Variants in ARHGEF17 observed in about 807,000 individuals in gnomAD.
ARHGEF17 encodes Rho guanine nucleotide exchange factor 17.
In ARHGEF17, 80 loss-of-function variants were observed where a neutral mutation model predicts 174.0. That is an observed-to-expected ratio of 0.46 (90% CI 0.38 to 0.55). ARHGEF17 has a LOEUF of 0.55. Among genes scored for constraint, ARHGEF17 ranks in the 20% least tolerant of loss-of-function variants. The probability of loss-of-function intolerance (pLI) is 0.00; values close to 1 mark genes in which losing one functional copy is unlikely to be tolerated. For missense variants in ARHGEF17, 2,886 were observed against 2,839.7 expected (o/e 1.02, Z -0.37); for synonymous variants, 1,311 against 1,189.1 (o/e 1.10, Z -2.11).
At position 73,310,571 on chromosome 11, in the gene ARHGEF17, G is replaced by C; in HGVS notation, c.1933G>C (p.Asp645His). Reference sequence around the variant, plus strand: ...CTCAGGCCCTGAGTCCAGTCTGACAGATGAAGGCATTGGGGCAGACCCTGA... The same window carrying C: ...CTCAGGCCCTGAGTCCAGTCTGACACATGAAGGCATTGGGGCAGACCCTGA... ...ELSGPESSLT[D>H]EGIGADPEPP... The change falls in exon 1 of 21, where the codon GAT becomes CAT. Residue 645 changes from aspartate (D) to histidine (H), a missense_variant. Transcript: ENST00000263674. 1.2e-6 allele frequency: 2 copies of C among 1,614,148 alleles called. No individual in the cohort carries two copies. Among genetic ancestry groups the C allele is most frequent in the African/African-American group, 1.3e-5 (1 of 75,062 alleles).
At chr11:73,317,448 T>C (rs1027754067) in intron 1 of ARHGEF17, among the ~76,000 whole-genome samples, 7 of 152,220 alleles carry the variant, frequency 4.6e-5, no homozygotes, top group African/African-American at 1.7e-4. Flanking sequence ...TGGCTCCCAG[T>C]GTCCTGACTC....
chr11:73,316,027 A>G (rs1277217278), intron 1 of ARHGEF17, among the ~76,000 whole-genome samples: 2 of 149,150 alleles, frequency 1.3e-5, no homozygotes, highest in African/African-American at 4.9e-5. Context: ...CGAGGCACAC[A>G]GAGTGTAGGA....
intron 2 of ARHGEF17, among the ~76,000 whole-genome samples, chr11:73,347,843 C>T (rs1048030628): frequency 6.6e-6 from 1 of 152,126 alleles, no homozygotes; most frequent in Non-Finnish European, 1.5e-5. Flanking sequence ...ATAGAGGTTA[C>T]AGGAAGGGAG....
At chr11:73,336,156 G>T (rs1389779658) in intron 1 of ARHGEF17, among the ~76,000 whole-genome samples, 1 of 152,214 alleles carries the variant, frequency 6.6e-6, no homozygotes, top group Non-Finnish European at 1.5e-5. Flanking sequence ...TGATATGCCA[G>T]TTACTTGGGG....
intron 10 of ARHGEF17, 85 bp from the exon 11 acceptor site, chr11:73,360,235 A>G: frequency 1.4e-6 from 2 of 1,465,464 alleles, no homozygotes; most frequent in Non-Finnish European, 1.9e-6. Context: ...CTGTCTAAGG[A>G]GAGAGGCAGG....
At position 73,309,420 on chromosome 11, in the gene ARHGEF17, T is replaced by G. The variant is rs777765208; in HGVS notation, c.782T>G (p.Leu261Arg). 2 of 1,547,790 alleles carry G rather than the reference T, an allele frequency of 1.3e-6. No homozygotes were observed. The highest frequency in any genetic ancestry group is 8.7e-7 in the Non-Finnish European group (1 of 1,144,790). Residue 261 changes from leucine (L) to arginine (R), a missense_variant, in exon 1 of 21, where the codon CTG becomes CGG. Around this residue, in one of 4 missense-constraint regions of ARHGEF17, gnomAD observed 1,728 missense variants for 1,461.2 expected, o/e 1.18. Transcript: ENST00000263674. ...GAGGAAGAGGAGGGCCCGCCGCAGC[T>G]GCCTGGAGCCCAGAGTCCGGCCTAC... ...SEEEEEGPPQ[L>R]PGAQSPAYHG... is the part of the protein sequence containing the mutation.
In ARHGEF17 at chr11:73,326,024, C is replaced by T. The variant is rs919454703; in HGVS notation, c.3192+14194C>T. On this transcript the variant is annotated intron_variant, in intron 1 of 20. Transcript: ENST00000263674. ...TAACGCTGAAATAAGCTCTGAGTGG[C>T]GGGTTGGGGGAACCCAGGGGAACCT... 3.3e-5 allele frequency among the ~76,000 whole-genome samples: 5 copies of T among 152,172 alleles called. No homozygotes were observed. In the East Asian group the frequency reaches 5.8e-4, roughly 18 times the overall value.
chr11:73,329,550 C>G (rs1865170740), intron 1 of ARHGEF17, among the ~76,000 whole-genome samples: 1 of 150,612 alleles, frequency 6.6e-6, no homozygotes, highest in African/African-American at 2.5e-5. Context: ...CAGGTATGCA[C>G]CACCACGCCC....
chr11:73,363,786 C>T lies in ARHGEF17; in HGVS notation c.5286C>T (p.Arg1762=), dbSNP rs140248024. 6.2e-6 allele frequency: 10 copies of T among 1,613,980 alleles called. No individual in the cohort carries two copies. Among genetic ancestry groups the T allele is most frequent in the Middle Eastern group, 1.6e-4 (1 of 6,084 alleles). The change falls in exon 16 of 21, where the codon CGC becomes CGT. Residue 1762 remains arginine (R), a synonymous_variant. Transcript: ENST00000263674. ...AGTCCTCCGACAGCATCCGTGACCG[C>T]AGGAACAGCATGAAGCTCCAGCATG... ...VYQSSDSIRD[R]RNSMKLQHAA...
At chr11:73,338,470 A>G (rs1865320027) in intron 1 of ARHGEF17, among the ~76,000 whole-genome samples, 1 of 152,116 alleles carries the variant, frequency 6.6e-6, no homozygotes, top group African/African-American at 2.4e-5. Flanking sequence ...TCCCGTACCA[A>G]CCCTATGCTT....
chr11:73,362,521 G>A lies in ARHGEF17; in HGVS notation c.4783G>A (p.Glu1595Lys). 6.2e-7 allele frequency: 1 copy of A among 1,605,326 alleles called. No individual in the cohort carries two copies. Among genetic ancestry groups the A allele is most frequent in the Non-Finnish European group, 8.5e-7 (1 of 1,178,162 alleles). Residue 1595 changes from glutamate to lysine, a missense_variant, in exon 14 of 21, where the codon GAA (glutamate) becomes AAA (lysine). By Grantham distance (56) the Glu-to-Lys change is moderately conservative. This residue lies in a region of ARHGEF17 where 476 missense variants were observed against 473.1 expected (regional missense o/e 1.01). Transcript: ENST00000263674. ...GGACGTCGAGGCCGCTGCAGACGAG[G>A]AAGCCGCGACGCTCGCGGAGCCGGG... is the stretch of plus-strand genomic sequence containing the variant. ...ELDVEAAADE[E>K]AATLAEPGPQ...
chr11:73,331,621 TG>T (rs912000691), intron 1 of ARHGEF17, among the ~76,000 whole-genome samples: 2 of 136,816 alleles, frequency 1.5e-5, no homozygotes, highest in African/African-American at 2.7e-5. Context: ...CGAGGGGGAG[TG>T]GGGGGGTGCG....
At chr11:73,323,637 T>G (rs928450747) in intron 1 of ARHGEF17, among the ~76,000 whole-genome samples, 1 of 151,650 alleles carries the variant, frequency 6.6e-6, no homozygotes, top group African/African-American at 2.4e-5. Context: ...CCTGGGCCCC[T>G]CCTCCCCTCT....
Position 73,364,185 on chromosome 11 carries a change from C to T in ARHGEF17, c.5347C>T (p.Gln1783Ter). 1 of 1,614,126 alleles carries T rather than the reference C, an allele frequency of 6.2e-7. No individual in the cohort carries two copies. Among genetic ancestry groups the T allele is most frequent in the Non-Finnish European group, 8.5e-7 (1 of 1,180,018 alleles). Residue 1783 changes from glutamine (Q) to a stop codon, truncating the protein, a stop_gained, in exon 17 of 21, where the codon CAG (glutamine) becomes TAG (stop). Coordinates refer to ENST00000263674, the MANE Select transcript of ARHGEF17 (RefSeq NM_014786.4). LOFTEE classifies it high-confidence loss of function. ...SVTCILYLNN[Q>*]VFVSLANGEL... ...TTCCCTACCCAGGTATCTGAATAAC[C>T]AGGTGTTTGTGTCTCTGGCCAATGG...
chr11:73,353,198 C>T lies in ARHGEF17; in HGVS notation c.3453+186C>T. 3 of 732,714 alleles carry T rather than the reference C, an allele frequency of 4.1e-6. No individual in the cohort carries two copies. The South Asian group carries it at 5.5e-5, about 14-fold the overall frequency. The allele number at this position is 732,714 out of a possible 1,614,324, so 45.4% of individuals were successfully genotyped here. On this transcript the variant is annotated intron_variant, in intron 3 of 20. Transcript: ENST00000263674. ...CTGGGTGGACCTGAACTTGGACACT[C>T]CCCTACCCCAAAGCTTGGCCAGACT...
At chr11:73,335,758 G>A (rs1378476384) in intron 1 of ARHGEF17, among the ~76,000 whole-genome samples, 1 of 152,134 alleles carries the variant, frequency 6.6e-6, no homozygotes, top group Non-Finnish European at 1.5e-5. Flanking sequence ...CCACCTCTGA[G>A]CATGACCTCA....
Position 73,329,322 on chromosome 11 carries a change from CAT to C in ARHGEF17, c.3193-17510_3193-17509del, listed in dbSNP as rs1164051322. ...GCCTTATCAGTATTTTGAGAGCTTT[CAT>C]ATATATATATATATATATATATATA... On this transcript the variant is annotated intron_variant, in intron 1 of 20. Transcript: ENST00000263674. 7.2e-4 allele frequency among the ~76,000 whole-genome samples: 11 copies of C among 15,314 alleles called. 1 individual carries two copies. Among genetic ancestry groups the C allele is most frequent in the African/African-American group, 2.5e-3 (11 of 4,408 alleles). 10.0% of individuals were successfully genotyped at this position (15,314 alleles called of 152,430 possible).
In ARHGEF17 at chr11:73,311,186, A is replaced by G. The variant is rs1591715243; in HGVS notation, c.2548A>G (p.Ile850Val). The change falls in exon 1 of 21, where the codon ATC (isoleucine) becomes GTC (valine). Residue 850 changes from isoleucine to valine, a missense_variant. By Grantham distance (29) the Ile-to-Val change is conservative. Transcript: ENST00000263674. ...ATTCGAGGGCCCTGGAGGGGAGCCC[A>G]TCCGAGAAGTTGAGCCCATGCTGCC... ...PGFEGPGGEP[I>V]REVEPMLPPS... 1 of 1,596,596 alleles carries G rather than the reference A, an allele frequency of 6.3e-7. No individual in the cohort carries two copies. Among genetic ancestry groups the G allele is most frequent in the Non-Finnish European group, 8.6e-7 (1 of 1,168,692 alleles).
At chr11:73,321,544 C>G (rs1180030124) in intron 1 of ARHGEF17, among the ~76,000 whole-genome samples, 1 of 152,188 alleles carries the variant, frequency 6.6e-6, no homozygotes, top group Non-Finnish European at 1.5e-5. Flanking sequence ...GTTTACTGCT[C>G]TGTAAAATGG....
Sources: allele counts gnomAD v4.1 joint callset (sites outside exome capture counted in the v4.1 genomes callset), GRCh38; gene constraint gnomAD v4.1.1; regional missense constraint gnomAD v4.1.1; transcripts MANE v1.5; gene names NCBI Gene and HGNC (gene_info 2026-07-23, HGNC 2026-07-21).